ADGRB3: variants seen among roughly 807,000 people sequenced by gnomAD.
The protein encoded by ADGRB3 is adhesion G protein-coupled receptor B3, also known as brain-specific angiogenesis inhibitor 3.
A neutral mutation model predicts 193.4 loss-of-function variants in ADGRB3; 37 were observed. That is an observed-to-expected ratio of 0.19 (90% CI 0.15 to 0.25). ADGRB3 has a LOEUF of 0.25. ADGRB3 is among the 10% of genes least tolerant of loss of function. ADGRB3 has a pLI of 1.00. For missense variants in ADGRB3, 1,637 were observed against 1,852.9 expected (o/e 0.88, Z 2.14); for synonymous variants, 690 against 644.2 (o/e 1.07, Z -1.08).
chr6:69,167,266 G>C (rs1775154821), intron 17 of ADGRB3, among the ~76,000 whole-genome samples: 1 of 152,094 alleles, frequency 6.6e-6, no homozygotes, highest in Admixed American at 6.6e-5. Flanking sequence ...TAACCAGAAG[G>C]ATTTTGAGAA....
chr6:68,671,836 A>T (rs1414603199), intron 3 of ADGRB3, among the ~76,000 whole-genome samples: 1 of 152,046 alleles, frequency 6.6e-6, no homozygotes, highest in African/African-American at 2.4e-5. Flanking sequence ...TTTGAGTAGG[A>T]TTGGTATTAG....
chr6:69,315,362 TAA>T (rs1365779604), intron 20 of ADGRB3, among the ~76,000 whole-genome samples: 1 of 151,574 alleles, frequency 6.6e-6, no homozygotes, highest in African/African-American at 2.4e-5. Flanking sequence ...TAGGTGCTTA[TAA>T]GTTAGTTTTC....
At position 69,333,726 on chromosome 6, in the gene ADGRB3, G is replaced by C. The variant is rs1193590932; in HGVS notation, c.3188+718G>C. On this transcript the variant is annotated intron_variant, in intron 24 of 31. Transcript: ENST00000370598. ...GCACTTTGGGAGGCTGAGGTGGGCAGATCACGAGATCGAGACCACAGTGAA... is the reference window on the plus strand; with the variant it reads ...GCACTTTGGGAGGCTGAGGTGGGCACATCACGAGATCGAGACCACAGTGAA... Among the ~76,000 whole-genome samples, 5 of 150,782 alleles carry C rather than the reference G, an allele frequency of 3.3e-5. No individual in the cohort carries two copies. The Admixed American group carries it at 3.3e-4, about 10-fold the overall frequency.
chr6:69,048,064 A>G, intron 13 of ADGRB3, 121 bp from the exon 14 acceptor site: 2 of 1,092,920 alleles, frequency 1.8e-6, no homozygotes, highest in Non-Finnish European at 2.6e-6. Context: ...TGTTGCTCTG[A>G]TAAATACAAT....
chr6:69,035,863 A>C (rs1194559564), intron 13 of ADGRB3, among the ~76,000 whole-genome samples: 1 of 152,148 alleles, frequency 6.6e-6, no homozygotes, highest in Non-Finnish European at 1.5e-5. Flanking sequence ...GGTAACACTG[A>C]TTTCTGGCTT....
At chr6:68,840,813 C>T (rs1768143033) in intron 3 of ADGRB3, among the ~76,000 whole-genome samples, 1 of 151,998 alleles carries the variant, frequency 6.6e-6, no homozygotes, top group Non-Finnish European at 1.5e-5. Flanking sequence ...ATAGAGTAGA[C>T]AAATGGATAA....
intron 3 of ADGRB3, among the ~76,000 whole-genome samples, chr6:68,861,776 G>A (rs1040219395): frequency 6.6e-6 from 1 of 152,022 alleles, no homozygotes; most frequent in East Asian, 1.9e-4. Flanking sequence ...GGAGTCAAAT[G>A]TTATCTGTTC....
At position 69,233,274 on chromosome 6, in the gene ADGRB3, T is replaced by C. The variant is rs761792651; in HGVS notation, c.2481-16T>C. ...GTATTTATCCCGATTTCCTCCCCCC[T>C]CACTCCCCTTTGCAGGAACGAGTCT... On this transcript the variant is annotated splice_polypyrimidine_tract_variant and intron_variant, in intron 17 of 31. Transcript: ENST00000370598. 1 of 1,612,582 alleles carries C rather than the reference T, an allele frequency of 6.2e-7. No individual in the cohort carries two copies. The highest frequency in any genetic ancestry group is 2.2e-5 in the East Asian group (1 of 44,818).
At chr6:68,895,779 T>A (rs999265101) in intron 3 of ADGRB3, among the ~76,000 whole-genome samples, 2 of 151,982 alleles carry the variant, frequency 1.3e-5, no homozygotes, top group African/African-American at 2.4e-5. Context: ...ATTCACATAG[T>A]GTTTTTTTTT....
At chr6:68,859,672 G>A (rs1349425453) in intron 3 of ADGRB3, among the ~76,000 whole-genome samples, 2 of 152,122 alleles carry the variant, frequency 1.3e-5, no homozygotes. Flanking sequence ...TTGCTACCAT[G>A]AGAACAGCAT....
At chr6:69,153,035 A>G (rs1446246592) in intron 17 of ADGRB3, among the ~76,000 whole-genome samples, 1 of 152,206 alleles carries the variant, frequency 6.6e-6, no homozygotes, top group African/African-American at 2.4e-5. Flanking sequence ...AGTCATAAGC[A>G]ATAACATGTA....
intron 17 of ADGRB3, among the ~76,000 whole-genome samples, chr6:69,154,849 T>C (rs938174546): frequency 3.3e-5 from 5 of 152,354 alleles, no homozygotes; most frequent in African/African-American, 1.2e-4. Flanking sequence ...TATTCATTCA[T>C]TGATTTATTC....
chr6:69,355,933 A>T (rs1769328781), intron 28 of ADGRB3, 73 bp downstream of exon 28: 1 of 1,311,672 alleles, frequency 7.6e-7, no homozygotes, highest in Admixed American at 1.8e-5. Flanking sequence ...AATTTTAAAG[A>T]AAATGCTGTG....
In ADGRB3 at chr6:68,635,501, T is replaced by G. The variant is rs911931297; in HGVS notation, c.-687T>G. ...AAAAGCATAAGCTTGAGCCTTCCGA[T>G]CCGACCACGAATACTCCTGTAATAA... On this transcript the variant is annotated 5_prime_UTR_variant, in exon 1 of 32. Coordinates refer to ENST00000370598, the MANE Select transcript of ADGRB3 (RefSeq NM_001704.3). The G allele has an allele frequency of 6.6e-6, 1 of 152,282 alleles. No individual in the cohort carries two copies. Among genetic ancestry groups the G allele is most frequent in the African/African-American group, 2.4e-5 (1 of 41,346 alleles). 9.4% of individuals were successfully genotyped at this position (152,282 alleles called of 1,614,324 possible).
At chr6:68,785,847 T>C (rs1045125935) in intron 3 of ADGRB3, among the ~76,000 whole-genome samples, 1 of 152,186 alleles carries the variant, frequency 6.6e-6, no homozygotes, top group African/African-American at 2.4e-5. Context: ...ATGATCGCCA[T>C]TCTAACTGGT....
intron 3 of ADGRB3, among the ~76,000 whole-genome samples, chr6:68,709,327 G>A (rs1166690095): frequency 1.3e-5 from 2 of 151,868 alleles, no homozygotes; most frequent in Non-Finnish European, 2.9e-5. Flanking sequence ...TTTTACAAGA[G>A]GTAAAATGTG....
chr6:69,211,842 A>G (rs764920283), intron 17 of ADGRB3, among the ~76,000 whole-genome samples: 154 of 152,166 alleles, frequency 1.0e-3, no homozygotes, highest in Non-Finnish European at 6.2e-4. Flanking sequence ...AACCAATTCT[A>G]TATGGATTAC....
intron 8 of ADGRB3, among the ~76,000 whole-genome samples, chr6:68,964,141 A>T (rs1768312147): frequency 6.6e-6 from 1 of 152,178 alleles, no homozygotes; most frequent in African/African-American, 2.4e-5. Flanking sequence ...TCTATCACAT[A>T]TATGATTTTT....
chr6:69,132,889 TC>T (rs1774050147), intron 17 of ADGRB3, among the ~76,000 whole-genome samples: 1 of 152,194 alleles, frequency 6.6e-6, no homozygotes, highest in African/African-American at 2.4e-5. Context: ...GGGAATCCTT[TC>T]CCCATTGCTT....
Sources: gnomAD v4.1 joint callset for allele counts (sites outside exome capture counted in the v4.1 genomes callset) on GRCh38, gnomAD v4.1.1 for gene constraint, MANE v1.5 for transcripts, NCBI Gene and HGNC (gene_info 2026-07-23, HGNC 2026-07-21) for gene names.